RHOBTB2: variants seen among roughly 807,000 people sequenced by gnomAD.
The protein encoded by RHOBTB2 is Rho related BTB domain containing 2.
RHOBTB2 carries 39 observed loss-of-function variants against 66.5 expected under a neutral mutation model. The observed-to-expected ratio is 0.59, with a 90% confidence interval of 0.45 to 0.77. The LOEUF (loss-of-function observed/expected upper bound fraction) is 0.77, where lower values mean the gene tolerates loss of function less well. RHOBTB2 is among the 30% of genes least tolerant of loss of function. RHOBTB2 has a pLI of 0.00. For missense variants in RHOBTB2, 755 were observed against 999.1 expected (o/e 0.76, Z 3.29); for synonymous variants, 390 against 395.0 (o/e 0.99, Z 0.15).
At chr8:22,998,803 G>A (rs1166209536), upstream of RHOBTB2, 1 of 151,422 alleles carries the variant, frequency 6.6e-6, no homozygotes, top group Non-Finnish European at 1.5e-5. Flanking sequence ...GGACCCCTCA[G>A]GTTATAGATG....
Position 23,019,695 on chromosome 8 carries a change from T to C in RHOBTB2, c.*2226T>C, listed in dbSNP as rs2466185. 0.9 allele frequency: 137,100 copies of C among 152,990 alleles called. 61,520 individuals carry two copies. Among genetic ancestry groups the C allele is most frequent in the East Asian group, 0.98 (5,105 of 5,200 alleles). 9.5% of individuals were successfully genotyped at this position (152,990 alleles called of 1,614,324 possible). A position where few individuals can be genotyped will look rare whatever the true frequency, so the allele number is the denominator to read the frequency against. ...GCAGGGAAGGCCGGGGCAGAGAAAG[T>C]GAAGGTCGACCCAGGGCTGTAGGAA... On this transcript the variant is annotated 3_prime_UTR_variant, in exon 10 of 10. Transcript: ENST00000251822.
chr8:22,951,747 C>G, the RHOBTB2 span, among the ~76,000 whole-genome samples: 1 of 152,210 alleles, frequency 6.6e-6, no homozygotes, highest in Non-Finnish European at 1.5e-5. Flanking sequence ...GCTATTTTCA[C>G]TTCTTTTGTG....
the RHOBTB2 span, among the ~76,000 whole-genome samples, chr8:22,967,093 C>A: frequency 6.6e-6 from 1 of 152,134 alleles, no homozygotes; most frequent in Non-Finnish European, 1.5e-5. Context: ...CTTAGAGAGA[C>A]CTTTGTAGTA....
At position 23,010,226 on chromosome 8, in the gene RHOBTB2, G is replaced by A. The variant is rs571989825; in HGVS notation, c.1621-312G>A. On this transcript the variant is annotated intron_variant, in intron 6 of 9. Transcript: ENST00000251822. ...GCTACTGAGGAGGCTGAGGCAGGAG[G>A]AATGCTTAAGACCAGGAGTTCAAGA... Among the ~76,000 whole-genome samples the A allele has an allele frequency of 2.0e-4, 31 of 152,268 alleles. No homozygotes were observed. In the East Asian group the frequency reaches 3.3e-3, roughly 16 times the overall value.
upstream of RHOBTB2, chr8:22,999,015 G>A (rs1046941804): frequency 3.3e-5 from 5 of 152,248 alleles, no homozygotes; most frequent in African/African-American, 9.7e-5. Context: ...TGGGAGACAG[G>A]TAACGTGGTA....
intron 7 of RHOBTB2, 107 bp from the exon 8 acceptor site, chr8:23,014,583 C>T: frequency 2.0e-6 from 2 of 1,015,502 alleles, no homozygotes; most frequent in South Asian, 2.9e-5. Flanking sequence ...CCGGACCTGC[C>T]CGGGCCCTGG....
chr8:23,005,867 G>A (rs550931389), intron 3 of RHOBTB2, 93 bp from the exon 4 acceptor site: 57 of 1,172,546 alleles, frequency 4.9e-5, no homozygotes, highest in Non-Finnish European at 6.8e-5. Context: ...AGCCAGGTGT[G>A]GGACTGTACA....
chr8:22,978,151 T>C, the RHOBTB2 span: 1 of 151,576 alleles, frequency 6.6e-6, no homozygotes, highest in Non-Finnish European at 1.5e-5. Context: ...TATCTTCTTT[T>C]TAAATCTTTT....
the RHOBTB2 span, among the ~76,000 whole-genome samples, chr8:22,976,394 G>A: frequency 6.6e-6 from 1 of 152,018 alleles, no homozygotes; most frequent in African/African-American, 2.4e-5. Context: ...TGGGGAAGAC[G>A]GGACAAAAAG....
At chr8:22,976,601 C>G in the RHOBTB2 span, among the ~76,000 whole-genome samples, 1 of 152,176 alleles carries the variant, frequency 6.6e-6, no homozygotes, top group Non-Finnish European at 1.5e-5. Context: ...GTCAGAAGCA[C>G]TGTTTTTGTT....
the RHOBTB2 span, among the ~76,000 whole-genome samples, chr8:22,976,915 T>C: frequency 3.3e-5 from 5 of 151,560 alleles, no homozygotes; most frequent in African/African-American, 1.2e-4. Flanking sequence ...CGTGAGCCAC[T>C]GTGCCTGGCC....
chr8:22,970,998 C>T, the RHOBTB2 span, among the ~76,000 whole-genome samples: 1 of 152,102 alleles, frequency 6.6e-6, no homozygotes, highest in Non-Finnish European at 1.5e-5. Flanking sequence ...TTTCATGGTC[C>T]TTTCTACTTT....
the RHOBTB2 span, among the ~76,000 whole-genome samples, chr8:22,972,020 T>C: frequency 6.6e-6 from 1 of 152,308 alleles, no homozygotes; most frequent in African/African-American, 2.4e-5. Flanking sequence ...ATTGGCCTCA[T>C]CTCCTTCTGC....
rs1165738271 is a variant in RHOBTB2, at chr8:23,004,235, T to C, written c.-10-190T>C. ...TCTGGTGACACTGCTCCTCTCAGCC[T>C]GAATGGGCTCCTGGCCCCTTGGACC... On this transcript the variant is annotated intron_variant, in intron 1 of 9. Transcript: ENST00000251822. This position sits in a 1 kb window ranked among gnomAD's most constrained non-coding sequence, Gnocchi z 6.4. 2.6e-5 allele frequency: 16 copies of C among 608,102 alleles called. No individual in the cohort carries two copies. Among genetic ancestry groups the C allele is most frequent in the African/African-American group, 5.5e-5 (3 of 54,370 alleles). 37.7% of individuals were successfully genotyped at this position (608,102 alleles called of 1,614,324 possible).
At chr8:22,975,287 C>G in the RHOBTB2 span, among the ~76,000 whole-genome samples, 2 of 152,214 alleles carry the variant, frequency 1.3e-5, no homozygotes, top group African/African-American at 2.4e-5. Flanking sequence ...GGGGTCTTCT[C>G]TCACTAGCTG....
the RHOBTB2 span, among the ~76,000 whole-genome samples, chr8:22,966,240 C>A: frequency 3.2e-4 from 48 of 152,024 alleles, no homozygotes; most frequent in South Asian, 6.2e-4. Flanking sequence ...GTAGTCCCAG[C>A]TACTTGGGAG....
rs1810708244 is a variant in RHOBTB2 at position 22,999,775 on chromosome 8, G to GCGCCGCCCGCTGCCTC, written c.-337_-322dup. On this transcript the variant is annotated 5_prime_UTR_variant, in exon 1 of 10. It removes the in-frame stop codon of an upstream open reading frame in the 5' UTR. Transcript: ENST00000251822. ...CTCGCCCCTCTCCCGGCGCCCCTGCGCGCCGCCCGCTGCCTCCGCAGCCCG... is the reference window on the plus strand; with the variant it reads ...CTCGCCCCTCTCCCGGCGCCCCTGCGCGCCGCCCGCTGCCTCCGCCGCCCGCTGCCTCCGCAGCCCG... 1.0e-6 allele frequency: 1 copy of GCGCCGCCCGCTGCCTC among 985,856 alleles called. No homozygotes were observed. The highest frequency in any genetic ancestry group is 1.2e-6 in the Non-Finnish European group (1 of 832,060). The allele number at this position is 985,856 out of a possible 1,614,324, so 61.1% of individuals were successfully genotyped here.
At chr8:22,976,702 T>C in the RHOBTB2 span, among the ~76,000 whole-genome samples, 1 of 152,192 alleles carries the variant, frequency 6.6e-6, no homozygotes, top group South Asian at 2.1e-4. Flanking sequence ...CTCAGCTCAC[T>C]GAAACCATCA....
chr8:22,995,916 T>C, upstream of RHOBTB2: 2 of 1,548,200 alleles, frequency 1.3e-6, no homozygotes, highest in South Asian at 1.2e-5. Context: ...AGGGTAAAGC[T>C]GCCTGTGAAG....
Sources: gnomAD v4.1 joint callset for allele counts (sites outside exome capture counted in the v4.1 genomes callset) on GRCh38, gnomAD v4.1.1 for gene constraint, Gnocchi (gnomAD v3.1) non-coding constraint, MANE v1.5 for transcripts, NCBI Gene and HGNC (gene_info 2026-07-23, HGNC 2026-07-21) for gene names.